The following NSD2 variants were observed in gnomAD, a reference collection of about 807,000 sequenced individuals.
The protein encoded by NSD2 is nuclear receptor binding SET domain protein 2.
A neutral mutation model predicts 139.0 loss-of-function variants in NSD2; 12 were observed. The ratio of observed to expected loss-of-function variants is 0.09; its 90% CI spans 0.06 to 0.14. The LOEUF is 0.14. Among genes scored for constraint, NSD2 ranks in the 10% least tolerant of loss-of-function variants. The pLI is 1.00. For missense variants in NSD2, 1,155 were observed against 1,745.0 expected (o/e 0.66, Z 6.02); for synonymous variants, 669 against 648.7 (o/e 1.03, Z -0.48).
intron 5 of NSD2, among the ~76,000 whole-genome samples, chr4:1,920,268 G>A (rs1461612919): frequency 3.3e-5 from 5 of 151,994 alleles, no homozygotes; most frequent in Non-Finnish European, 7.4e-5. Context: ...TGGCCTACAT[G>A]GTGAAACCTT....
chr4:1,932,417 C>T (rs1233414203), intron 6 of NSD2, among the ~76,000 whole-genome samples: 6 of 139,644 alleles, frequency 4.3e-5, no homozygotes, highest in Admixed American at 3.7e-4. Flanking sequence ...CCAGCCTTGG[C>T]GCCAGAGCAA....
intron 18 of NSD2, among the ~76,000 whole-genome samples, chr4:1,965,333 CAGAAA>C (rs1278004080): frequency 2.6e-5 from 4 of 152,090 alleles, no homozygotes; most frequent in South Asian, 4.2e-4. Context: ...GCCTGAGAAA[CAGAAA>C]AGAAGATTGA....
At chr4:1,910,998 C>G (rs1191386382) in intron 3 of NSD2, among the ~76,000 whole-genome samples, 1 of 152,036 alleles carries the variant, frequency 6.6e-6, no homozygotes, top group Admixed American at 6.6e-5. Flanking sequence ...TATGGCTTCT[C>G]TTCCCTCCCT....
At chr4:1,898,620 A>G (rs1477116490) in intron 1 of NSD2, among the ~76,000 whole-genome samples, 1 of 150,576 alleles carries the variant, frequency 6.6e-6, no homozygotes, top group African/African-American at 2.5e-5. Flanking sequence ...AGATCGCACC[A>G]CTGCAGTCCA....
intron 11 of NSD2, chr4:1,952,997 T>C: frequency 7.0e-7 from 1 of 1,438,100 alleles, no homozygotes; most frequent in Admixed American, 2.9e-5. Context: ...CCAGCTGCTC[T>C]CAAGGAGGAA....
At chr4:1,943,356 T>G in intron 9 of NSD2, 9 of 1,042,974 alleles carry the variant, frequency 8.6e-6, no homozygotes, top group Non-Finnish European at 1.0e-5. Flanking sequence ...GCATGTAAGA[T>G]GCTTAGGGTG....
intron 18 of NSD2, among the ~76,000 whole-genome samples, chr4:1,966,636 G>A (rs1158443499): frequency 2.8e-5 from 4 of 144,736 alleles, no homozygotes; most frequent in African/African-American, 1.0e-4. Flanking sequence ...CAGCCTGGGT[G>A]ACAGAGCAAG....
chr4:1,943,726 CAA>C, intron 9 of NSD2: 1 of 1,048,008 alleles, frequency 9.5e-7, no homozygotes, highest in Non-Finnish European at 1.2e-6. Context: ...TTAAAATTCT[CAA>C]AAAAAAACCC....
chr4:1,924,728 CAGTG>C (rs1720623169), intron 5 of NSD2, among the ~76,000 whole-genome samples: 1 of 150,242 alleles, frequency 6.7e-6, no homozygotes. Context: ...CTGGGCAACA[CAGTG>C]AGACTCTCAT....
At chr4:1,900,163 G>C (rs965027459) in intron 1 of NSD2, among the ~76,000 whole-genome samples, 1 of 152,202 alleles carries the variant, frequency 6.6e-6, no homozygotes, top group Non-Finnish European at 1.5e-5. Context: ...ATTGGGATGA[G>C]CTCTTTTCCT....
At position 1,975,246 on chromosome 4, in the gene NSD2, G is replaced by C. The variant is rs1049806684; in HGVS notation, c.3515-48G>C. 2.5e-6 allele frequency: 4 copies of C among 1,580,118 alleles called. No individual in the cohort carries two copies. The African/African-American group carries it at 4.0e-5, about 16-fold the overall frequency. ...TAATACACGCCCCTTAGCTTTTGAAGAGAAAGGCAGGTGTTTCCAATTTGG... is the reference window on the plus strand; with the variant it reads ...TAATACACGCCCCTTAGCTTTTGAACAGAAAGGCAGGTGTTTCCAATTTGG... On this transcript the variant is annotated intron_variant, in intron 19 of 21. Transcript: ENST00000508803.
intron 2 of NSD2, among the ~76,000 whole-genome samples, chr4:1,904,014 G>A (rs1036906965): frequency 2.6e-5 from 4 of 152,302 alleles, no homozygotes; most frequent in African/African-American, 4.8e-5. Context: ...GACTACAGGC[G>A]TGAGCCACCG....
Position 1,973,983 on chromosome 4 carries a change from A to C in NSD2, c.3373-880A>C, listed in dbSNP as rs1346691632. Among the ~76,000 whole-genome samples, 3 of 152,084 alleles carry C rather than the reference A, an allele frequency of 2.0e-5. No homozygotes were observed. The highest frequency in any genetic ancestry group is 6.5e-5 in the Admixed American group (1 of 15,276). ...ACCTGGATTTGAGTGGGTCAGTTCT[A>C]GGCCACATCGTGCTTGCATTTGTGA... is the stretch of plus-strand genomic sequence containing the variant. On this transcript the variant is annotated intron_variant, in intron 18 of 21. Transcript: ENST00000508803. The surrounding 1 kb of genome is among the most constrained non-coding windows in gnomAD (Gnocchi z 5.5).
intron 1 of NSD2, among the ~76,000 whole-genome samples, chr4:1,890,543 C>T (rs1306327415): frequency 1.3e-5 from 2 of 151,396 alleles, no homozygotes; most frequent in Non-Finnish European, 2.9e-5. Flanking sequence ...CCTCGTGATC[C>T]GCCCACCTCG....
rs202141910 is a variant in NSD2 at position 1,959,759 on chromosome 4, T to C, written c.3255+19T>C. The C allele has an allele frequency of 1.8e-4, 286 of 1,603,512 alleles. No individual in the cohort carries two copies. In the African/African-American group the frequency reaches 3.1e-3, roughly 18 times the overall value. On this transcript the variant is annotated intron_variant, in intron 17 of 21. Coordinates refer to ENST00000508803, the MANE Select transcript of NSD2 (RefSeq NM_001042424.3). ...CAGAAAGGTATGTGTCGTTATCCCCTCCCCTGCTTTTGAGAAATTACGGTT... is the reference window on the plus strand; with the variant it reads ...CAGAAAGGTATGTGTCGTTATCCCCCCCCCTGCTTTTGAGAAATTACGGTT...
Position 1,871,443 on chromosome 4 carries a change from G to T in NSD2, c.-129G>T, listed in dbSNP as rs1187299481. The T allele has an allele frequency of 6.9e-6, 1 of 144,796 alleles. No homozygotes were observed. The highest frequency in any genetic ancestry group is 1.5e-5 in the Non-Finnish European group (1 of 65,580). 9.0% of individuals were successfully genotyped at this position (144,796 alleles called of 1,614,324 possible). On this transcript the variant is annotated 5_prime_UTR_variant, in exon 1 of 22. Transcript: ENST00000508803. ...TGGCCGCGCTGCGCCCGCCGCCGCC[G>T]CCGCCCCCTCCCCGCCTGGGCCCTA...
chr4:1,959,399 C>T (rs1327115828), intron 16 of NSD2, 72 bp from the exon 17 acceptor site: 1 of 1,552,380 alleles, frequency 6.4e-7, no homozygotes, highest in Non-Finnish European at 8.8e-7. Flanking sequence ...TAAGGAGAGG[C>T]AGTGGTGGGT....
rs990577590 is a variant in NSD2 at position 1,979,287 on chromosome 4, G to T, written c.*378G>T. The T allele has an allele frequency of 1.6e-5, 4 of 249,936 alleles. No homozygotes were observed. Among genetic ancestry groups the T allele is most frequent in the East Asian group, 5.9e-5 (1 of 17,078 alleles). The allele number at this position is 249,936 out of a possible 1,614,324, so 15.5% of individuals were successfully genotyped here. ...GTAGCGTAGGCTTTTCCCAAGGGTC[G>T]CTAGAAACTCGTCTTCGCGTTGCCC... On this transcript the variant is annotated 3_prime_UTR_variant, in exon 22 of 22. Transcript: ENST00000508803.
Position 1,973,665 on chromosome 4 carries a change from C to T in NSD2, c.3373-1198C>T, listed in dbSNP as rs1726734447. The stretch of plus-strand genomic sequence containing the variant: ...GGGCCAGCGGTCCCAGACAGGGGCA[C>T]CCTGGGAGATTGCACCAGGGCTGGG... On this transcript the variant is annotated intron_variant, in intron 18 of 21. Coordinates refer to ENST00000508803, the MANE Select transcript of NSD2 (RefSeq NM_001042424.3). This position sits in a 1 kb window ranked among gnomAD's most constrained non-coding sequence, Gnocchi z 5.5. 6.6e-6 allele frequency among the ~76,000 whole-genome samples: 1 copy of T among 152,224 alleles called. No individual in the cohort carries two copies. Among genetic ancestry groups the T allele is most frequent in the Admixed American group, 6.5e-5 (1 of 15,286 alleles).
Sources: allele counts gnomAD v4.1 joint callset (sites outside exome capture counted in the v4.1 genomes callset), GRCh38; gene constraint gnomAD v4.1.1; non-coding constraint Gnocchi (gnomAD v3.1); transcripts MANE v1.5; gene names NCBI Gene and HGNC (gene_info 2026-07-23, HGNC 2026-07-21).